The following DNMBP variants were observed in gnomAD, a reference collection of about 807,000 sequenced individuals.
DNMBP encodes the protein dynamin binding protein.
A neutral mutation model predicts 150.0 loss-of-function variants in DNMBP; 87 were observed. The observed-to-expected ratio is 0.58, with a 90% CI of 0.49 to 0.69. The LOEUF is 0.69. DNMBP is among the 30% of genes least tolerant of loss of function. The pLI, the probability that DNMBP is intolerant of heterozygous loss-of-function variation, is 0.00. For missense variants in DNMBP, 1,774 were observed against 1,949.0 expected, an observed-to-expected ratio of 0.91 and a Z score of 1.69; for synonymous variants, 711 against 750.4, an observed-to-expected ratio of 0.95 and a Z score of 0.86.
chr10:100,008,310 T>G (rs1459977043), intron 1 of DNMBP, among the ~76,000 whole-genome samples: 3 of 152,212 alleles, frequency 2.0e-5, no homozygotes, highest in African/African-American at 7.2e-5. Flanking sequence ...ATACACAATA[T>G]GAACACTGTA....
chr10:99,876,345 G>C lies in DNMBP; in HGVS notation c.*806C>G, dbSNP rs1230865759. The C allele has an allele frequency of 6.6e-6, 1 of 151,120 alleles. No individual in the cohort carries two copies. Among genetic ancestry groups the C allele is most frequent in the Non-Finnish European group, 1.5e-5 (1 of 67,892 alleles). The allele number at this position is 151,120 out of a possible 1,614,324, so 9.4% of individuals were successfully genotyped here. On this transcript the variant is annotated 3_prime_UTR_variant, in exon 17 of 17. Transcript: ENST00000324109. ...CAGCAGGGAGGCGGGAGGGTTGCTT[G>C]AGCCCAGGCGTTTAAGACCAGCCTG...
chr10:99,986,015 T>C (rs11596791), intron 1 of DNMBP, among the ~76,000 whole-genome samples: 51,921 of 152,042 alleles, frequency 0.34, 9,004 homozygotes, highest in African/African-American at 0.39. Flanking sequence ...CCTCTTGAAG[T>C]GCTGGAATTA....
At chr10:99,969,806 C>A (rs897817717) in intron 2 of DNMBP, among the ~76,000 whole-genome samples, 1 of 152,138 alleles carries the variant, frequency 6.6e-6, no homozygotes, top group Non-Finnish European at 1.5e-5. Context: ...TCTCCAGACC[C>A]ACCACCTTGG....
chr10:99,913,471 G>A (rs2039925949), intron 4 of DNMBP, among the ~76,000 whole-genome samples: 1 of 152,126 alleles, frequency 6.6e-6, no homozygotes, highest in African/African-American at 2.4e-5. Flanking sequence ...GCCCTGTGCA[G>A]ACTCTAAAAT....
At chr10:100,002,850 C>T (rs765842053) in intron 1 of DNMBP, among the ~76,000 whole-genome samples, 1 of 152,056 alleles carries the variant, frequency 6.6e-6, no homozygotes, top group Non-Finnish European at 1.5e-5. Flanking sequence ...TCTCAGTAAA[C>T]TAGGATTGAG....
chr10:99,891,154 C>CT (rs1180425391), intron 11 of DNMBP, among the ~76,000 whole-genome samples: 1 of 150,782 alleles, frequency 6.6e-6, no homozygotes, highest in Non-Finnish European at 1.5e-5. Flanking sequence ...CTAGAACTCC[C>CT]TCTCCCTCTC....
rs758671756 is a variant in DNMBP, at chr10:99,885,809, T to A, written c.3676A>T (p.Ser1226Cys). 7.4e-6 allele frequency: 12 copies of A among 1,613,220 alleles called. No homozygotes were observed. In the South Asian group the frequency reaches 1.1e-4, roughly 15 times the overall value. The change falls in exon 14 of 17, where the codon AGC (serine) becomes TGC (cysteine). Residue 1226 changes from serine (S) to cysteine (C), a missense_variant. This residue lies in a region of DNMBP where 1,430 missense variants were observed against 1,492.5 expected (regional missense o/e 0.96). Transcript: ENST00000324109. ...NLIAIFHEEH[S>C]RVLQQLQVFT... is the part of the protein sequence containing the mutation. ...ACCTGGAGTTGCTGCAGAACTCTGC[T>A]GTGCTCTTCGTGGAAGATGGCAATA...
At chr10:99,893,439 A>G (rs936614326) in intron 11 of DNMBP, among the ~76,000 whole-genome samples, 1 of 152,256 alleles carries the variant, frequency 6.6e-6, no homozygotes, top group African/African-American at 2.4e-5. Context: ...GCAATTGTAA[A>G]GAACAATGGA....
chr10:99,930,512 T>G (rs1300695440), intron 4 of DNMBP: 3 of 703,032 alleles, frequency 4.3e-6, no homozygotes. Flanking sequence ...CACTTTCATG[T>G]GCTTCCCCAC....
At chr10:99,972,713 T>A (rs767875878) in intron 1 of DNMBP, among the ~76,000 whole-genome samples, 2 of 152,242 alleles carry the variant, frequency 1.3e-5, no homozygotes, top group Non-Finnish European at 2.9e-5. Flanking sequence ...TGGGCTCAAG[T>A]GATCCTCCTA....
intron 4 of DNMBP, among the ~76,000 whole-genome samples, chr10:99,947,000 G>A (rs183752983): frequency 1.3e-5 from 2 of 152,166 alleles, no homozygotes; most frequent in African/African-American, 4.8e-5. Flanking sequence ...TCAGAGAAGT[G>A]CAAATCAAAA....
intron 1 of DNMBP, among the ~76,000 whole-genome samples, chr10:100,003,853 AAAAT>A (rs1044960618): frequency 4.6e-5 from 7 of 151,944 alleles, no homozygotes; most frequent in Admixed American, 2.0e-4. Context: ...TGGCACATAA[AAAAT>A]AAATAAATAA....
rs569494608 is a variant in DNMBP at position 99,886,548 on chromosome 10, G to A, written c.3370C>T (p.Arg1124Cys). The change falls in exon 13 of 17, where the codon CGC (arginine) becomes TGC (cysteine). Residue 1124 changes from arginine (R) to cysteine (C), a missense_variant. This residue lies in a region of DNMBP where 1,430 missense variants were observed against 1,492.5 expected (regional missense o/e 0.96). Coordinates refer to ENST00000324109, the MANE Select transcript of DNMBP (RefSeq NM_015221.4). ...FTGPHKLVQKRFDKLLDFYNC... is the reference protein window; with the variant it reads ...FTGPHKLVQKCFDKLLDFYNC... ...TAGAAGTCCAGGAGCTTGTCAAAGC[G>A]TTTCTGTACCAGCTTATGGGGCCCT... The A allele has an allele frequency of 1.1e-5, 17 of 1,614,128 alleles. No homozygotes were observed. Among genetic ancestry groups the A allele is most frequent in the South Asian group, 6.6e-5 (6 of 91,084 alleles).
intron 1 of DNMBP, among the ~76,000 whole-genome samples, chr10:100,001,233 TAAAAAAAAAAAAAAAAAAAAAAAAAAA>T (rs71009800): frequency 1.4e-4 from 3 of 21,732 alleles, no homozygotes; most frequent in South Asian, 3.5e-3. Flanking sequence ...TCCGTCTCAT[TAAAAAAAAAAAAAAAAAAAAAAAAAAA>T]AAAAAAAAAA....
chr10:99,981,204 C>T (rs113183335), intron 1 of DNMBP, among the ~76,000 whole-genome samples: 11,135 of 152,166 alleles, frequency 0.073, 623 homozygotes, highest in African/African-American at 0.15. Context: ...TTTTTTGAGA[C>T]GGAGTCTAGC....
At chr10:99,904,980 G>A (rs1034018507) in intron 6 of DNMBP, among the ~76,000 whole-genome samples, 1 of 152,120 alleles carries the variant, frequency 6.6e-6, no homozygotes, top group African/African-American at 2.4e-5. Flanking sequence ...CCCCAGGAAC[G>A]ACAACAGGTA....
chr10:99,919,220 C>T (rs2039996847), intron 4 of DNMBP, among the ~76,000 whole-genome samples: 1 of 152,184 alleles, frequency 6.6e-6, no homozygotes, highest in African/African-American at 2.4e-5. Context: ...CTCCATTAAA[C>T]GTCAAGGCCC....
chr10:100,007,055 C>G (rs1589458797), intron 1 of DNMBP, among the ~76,000 whole-genome samples: 1 of 151,846 alleles, frequency 6.6e-6, no homozygotes, highest in Admixed American at 6.6e-5. Context: ...GTTGAGGCTA[C>G]AGTGAGCTGT....
At chr10:99,915,108 A>AAAAAAAAAATAT (rs10654940) in intron 4 of DNMBP, among the ~76,000 whole-genome samples, 5 of 99,802 alleles carry the variant, frequency 5.0e-5, no homozygotes, top group Admixed American at 1.3e-4. Context: ...AAAAAAAAAA[A>AAAAAAAAAATAT]ATATATATAT....
Sources: allele counts gnomAD v4.1 joint callset (sites outside exome capture counted in the v4.1 genomes callset), GRCh38; gene constraint gnomAD v4.1.1; regional missense constraint gnomAD v4.1.1; transcripts MANE v1.5; gene names NCBI Gene and HGNC (gene_info 2026-07-23, HGNC 2026-07-21).